GNA14: variants seen among roughly 807,000 people sequenced by gnomAD.
GNA14 encodes the protein G protein subunit alpha 14.
Under a neutral mutation model 42.0 loss-of-function variants are expected in GNA14, and 50 were observed. That is an observed-to-expected ratio of 1.19 (90% CI 0.95 to 1.51). The LOEUF (loss-of-function observed/expected upper bound fraction) is 1.51, where lower values mean the gene tolerates loss of function less well. GNA14 is among the 40% of genes most tolerant of loss of function. GNA14 has a pLI of 0.00. For missense variants in GNA14, 473 were observed against 446.2 expected (o/e 1.06, Z -0.54); for synonymous variants, 173 against 163.1 (o/e 1.06, Z -0.46).
At position 77,616,963 on chromosome 9, in the gene GNA14, G is replaced by A. The variant is rs1005490267; in HGVS notation, c.124+30707C>T. Among the ~76,000 whole-genome samples, 7 of 152,104 alleles carry A rather than the reference G, an allele frequency of 4.6e-5. 1 individual carries two copies. The highest frequency in any genetic ancestry group is 7.2e-5 in the African/African-American group (3 of 41,488). On this transcript the variant is annotated intron_variant, in intron 1 of 6. Transcript: ENST00000341700. ...TGGCTCACTGCAAGCTCCGCCTCCC[G>A]GGTTCACGCCATTCTCCTGCTTCAG...
rs530534007 is a variant in GNA14 at position 77,487,953 on chromosome 9, C to T, written c.309+41116G>A. On this transcript the variant is annotated intron_variant, in intron 2 of 6. Transcript: ENST00000341700. ...TTGGGCACTGGAGCCAGTTTATACA[C>T]AGCTGAAAAACCCAGTTGACATCAC... Among the ~76,000 whole-genome samples, 6 of 152,134 alleles carry T rather than the reference C, an allele frequency of 3.9e-5. No individual in the cohort carries two copies. The South Asian group carries it at 1.0e-3, about 26-fold the overall frequency.
chr9:77,630,228 C>A (rs150809970), intron 1 of GNA14, among the ~76,000 whole-genome samples: 2 of 152,024 alleles, frequency 1.3e-5, no homozygotes, highest in African/African-American at 4.8e-5. Context: ...AGTTATCCTC[C>A]CACTTCAGCC....
intron 1 of GNA14, among the ~76,000 whole-genome samples, chr9:77,529,633 C>T (rs368556741): frequency 1.3e-5 from 2 of 152,318 alleles, no homozygotes; most frequent in South Asian, 4.2e-4. Context: ...GAGAAAAAGG[C>T]TCATGAATCA....
intron 2 of GNA14, among the ~76,000 whole-genome samples, chr9:77,465,935 T>C (rs1001510742): frequency 1.3e-5 from 2 of 152,232 alleles, no homozygotes; most frequent in Non-Finnish European, 2.9e-5. Context: ...ACTTTTTTCA[T>C]TGCCTCTGGC....
intron 1 of GNA14, among the ~76,000 whole-genome samples, chr9:77,555,333 C>T (rs943232160): frequency 5.3e-5 from 8 of 152,192 alleles, no homozygotes; most frequent in African/African-American, 1.7e-4. Context: ...TGGCGAAACT[C>T]GGTCTCTACC....
intron 2 of GNA14, among the ~76,000 whole-genome samples, chr9:77,451,407 C>T (rs1351068511): frequency 6.6e-6 from 1 of 152,134 alleles, no homozygotes; most frequent in Non-Finnish European, 1.5e-5. Context: ...TTTTAGAGTG[C>T]TCTAAAGCAA....
intron 1 of GNA14, among the ~76,000 whole-genome samples, chr9:77,639,997 G>A (rs758672520): frequency 6.6e-6 from 1 of 152,140 alleles, no homozygotes; most frequent in Non-Finnish European, 1.5e-5. Context: ...TGGCTCACAG[G>A]GATCCCAGTC....
At chr9:77,530,218 T>C (rs184498969) in intron 1 of GNA14, among the ~76,000 whole-genome samples, 1 of 152,320 alleles carries the variant, frequency 6.6e-6, no homozygotes, top group African/African-American at 2.4e-5. Context: ...TGGTTTCTCA[T>C]GAATGGTTTA....
At chr9:77,550,090 G>T (rs376202620) in intron 1 of GNA14, among the ~76,000 whole-genome samples, 1 of 152,098 alleles carries the variant, frequency 6.6e-6, no homozygotes, top group Non-Finnish European at 1.5e-5. Context: ...TGCACTGTGG[G>T]TGGGAGGGGG....
chr9:77,488,040 A>G (rs376713583), intron 2 of GNA14, among the ~76,000 whole-genome samples: 84 of 152,314 alleles, frequency 5.5e-4, no homozygotes, highest in African/African-American at 2.0e-3. Context: ...CAGGGAGAAA[A>G]AAAAACACTT....
chr9:77,550,307 T>C (rs1187923995), intron 1 of GNA14, among the ~76,000 whole-genome samples: 2 of 152,196 alleles, frequency 1.3e-5, no homozygotes, highest in South Asian at 2.1e-4. Flanking sequence ...TAAAGAAAGA[T>C]CTCACTTCGA....
At chr9:77,583,532 C>T (rs988115179) in intron 1 of GNA14, among the ~76,000 whole-genome samples, 2 of 152,138 alleles carry the variant, frequency 1.3e-5, no homozygotes, top group African/African-American at 4.8e-5. Context: ...TTTTAAAACT[C>T]TTTTCAGATG....
intron 1 of GNA14, among the ~76,000 whole-genome samples, chr9:77,643,239 C>CT (rs1564074104): frequency 1.4e-4 from 20 of 144,736 alleles, no homozygotes; most frequent in African/African-American, 3.8e-4. Context: ...AAGGTGTTGT[C>CT]ATTTTTTTTT....
chr9:77,503,841 G>A (rs1033515404), intron 2 of GNA14, among the ~76,000 whole-genome samples: 2 of 151,758 alleles, frequency 1.3e-5, no homozygotes, highest in African/African-American at 4.8e-5. Context: ...TAGAAACGGG[G>A]TTTCACCGTA....
chr9:77,568,642 C>T (rs967720693), intron 1 of GNA14, among the ~76,000 whole-genome samples: 13 of 152,256 alleles, frequency 8.5e-5, no homozygotes, highest in East Asian at 1.9e-4. Context: ...CTGGTGGGGA[C>T]GGCAGAGCCC....
In GNA14 at chr9:77,465,253, A is replaced by G. The variant is rs369712598; in HGVS notation, c.310-30731T>C. Among the ~76,000 whole-genome samples, 193 of 152,280 alleles carry G rather than the reference A, an allele frequency of 1.3e-3. 5 individuals carry two copies. In the South Asian group the frequency reaches 0.025, roughly 19 times the overall value. On this transcript the variant is annotated intron_variant, in intron 2 of 6. Transcript: ENST00000341700. ...AATTTGCCTATTCTGGATGTTTTCT[A>G]TGTCGGACACCACACAATATGGAAT...
intron 4 of GNA14, 113 bp from the exon 5 acceptor site, chr9:77,429,149 AAGAG>A: frequency 2.1e-6 from 2 of 934,234 alleles, no homozygotes; most frequent in Non-Finnish European, 3.3e-6. Flanking sequence ...AGTAATTTCT[AAGAG>A]AGAAAAGAGG....
At chr9:77,517,167 T>G (rs1249561393) in intron 2 of GNA14, among the ~76,000 whole-genome samples, 2 of 152,230 alleles carry the variant, frequency 1.3e-5, no homozygotes, top group Non-Finnish European at 2.9e-5. Context: ...CTTCCTCATC[T>G]TCCTGCCCTT....
At chr9:77,619,401 A>G (rs906603049) in intron 1 of GNA14, among the ~76,000 whole-genome samples, 1 of 152,104 alleles carries the variant, frequency 6.6e-6, no homozygotes, top group African/African-American at 2.4e-5. Flanking sequence ...AGATTTCAGC[A>G]TGTTAGCCAG....
Sources: allele counts gnomAD v4.1 joint callset (sites outside exome capture counted in the v4.1 genomes callset), GRCh38; gene constraint gnomAD v4.1.1; transcripts MANE v1.5; gene names NCBI Gene and HGNC (gene_info 2026-07-23, HGNC 2026-07-21).